GRB7: variants seen among roughly 807,000 people sequenced by gnomAD.
GRB7 encodes growth factor receptor-bound protein 7.
GRB7 carries 47 observed loss-of-function variants against 64.1 expected under a neutral mutation model. The observed-to-expected ratio is 0.73, with a 90% CI of 0.58 to 0.94. The LOEUF (loss-of-function observed/expected upper bound fraction) is 0.94, where lower values mean the gene tolerates loss of function less well. Among genes scored for constraint, GRB7 ranks in the 40% least tolerant of loss-of-function variants. The pLI, the probability that GRB7 is intolerant of heterozygous loss-of-function variation, is 0.00. For synonymous variants in GRB7, 277 were observed against 279.9 expected, an observed-to-expected ratio of 0.99 and a Z score of 0.10; for missense variants, 634 against 718.4, an observed-to-expected ratio of 0.88 and a Z score of 1.34.
At chr17:39,743,498 A>C in intron 6 of GRB7, 28 bp downstream of exon 6, 2 of 1,563,174 alleles carry the variant, frequency 1.3e-6, no homozygotes, top group Non-Finnish European at 1.8e-6. Context: ...TTCACTGCAG[A>C]TTCACGACTC....
At chr17:39,745,108 C>T (rs1182449068) in intron 9 of GRB7, 124 bp downstream of exon 9, 9 of 1,098,824 alleles carry the variant, frequency 8.2e-6, no homozygotes, top group Non-Finnish European at 9.4e-6. Context: ...CCAGTCCAAG[C>T]CTGAAGTTAT....
intron 1 of GRB7, chr17:39,739,879 C>T: frequency 6.6e-6 from 3 of 456,348 alleles, no homozygotes; most frequent in Non-Finnish European, 8.7e-6. Context: ...GCCAGGACCC[C>T]TTCCTCCTCC....
At chr17:39,738,850 G>A (rs1339914084) in intron 1 of GRB7, 2 of 1,516,966 alleles carry the variant, frequency 1.3e-6, no homozygotes, top group Non-Finnish European at 1.8e-6. Context: ...AAATTGTCGA[G>A]GCTTCATCTC....
In GRB7 at chr17:39,745,531, C is replaced by T. The variant is rs770436161; in HGVS notation, c.1202C>T (p.Ala401Val). ...AGTGTGGCCCTGGAGGAGGCCCAGG[C>T]CTGGAGGGTGAGGCCTGCTGTGTGT... The part of the protein sequence containing the change: ...ALSVALEEAQ[A>V]WRKKTNHRLS... Residue 401 changes from alanine (A) to valine (V), a missense_variant, in exon 11 of 15, where the codon GCC (alanine) becomes GTC (valine). Coordinates refer to ENST00000309156, the MANE Select transcript of GRB7 (RefSeq NM_005310.5). The T allele has an allele frequency of 1.9e-5, 30 of 1,612,840 alleles. No individual in the cohort carries two copies. Among genetic ancestry groups the T allele is most frequent in the Non-Finnish European group, 2.5e-5 (30 of 1,179,250 alleles).
chr17:39,744,836 A>T, intron 8 of GRB7, 50 bp from the exon 9 acceptor site: 1 of 1,481,236 alleles, frequency 6.8e-7, no homozygotes, highest in Non-Finnish European at 9.4e-7. Flanking sequence ...AGGGGCAGAC[A>T]TGTGGTCCTA....
intron 1 of GRB7, 117 bp from the exon 2 acceptor site, chr17:39,742,135 C>T (rs1312382592): frequency 1.8e-5 from 13 of 729,214 alleles, no homozygotes; most frequent in Non-Finnish European, 3.2e-5. Flanking sequence ...TCTGTCCTTC[C>T]CCAAGGGCTT....
intron 3 of GRB7, 35 bp from the exon 4 acceptor site, chr17:39,742,863 C>G: frequency 6.4e-7 from 1 of 1,551,736 alleles, no homozygotes; most frequent in Non-Finnish European, 8.7e-7. Flanking sequence ...CACCCTTTGC[C>G]TCCCCTCAAG....
chr17:39,745,820 G>A (rs1282093776), intron 12 of GRB7, 32 bp downstream of exon 12: 3 of 1,613,402 alleles, frequency 1.9e-6, no homozygotes, highest in Non-Finnish European at 1.7e-6. Context: ...TGGGGCGGGG[G>A]CTGCCTCAAC....
chr17:39,742,217 C>T lies in GRB7; in HGVS notation c.-50-35C>T, dbSNP rs1307513700. The T allele has an allele frequency of 7.4e-6, 11 of 1,485,276 alleles. No homozygotes were observed. The South Asian group carries it at 1.1e-4, about 15-fold the overall frequency. The allele number at this position is 1,485,276 out of a possible 1,614,324, so 92.0% of individuals were successfully genotyped here. A position where few individuals can be genotyped will look rare whatever the true frequency, so the allele number is the denominator to read the frequency against. ...GGGCACCCTAACCGCCGTGTGAGGT[C>T]AGGAGGTCTGAATTCTCTCATCCCC... is the stretch of plus-strand genomic sequence containing the variant. On this transcript the variant is annotated intron_variant, in intron 1 of 14. Transcript: ENST00000309156.
At chr17:39,746,646 G>T in intron 14 of GRB7, 105 bp from the exon 15 acceptor site, 2 of 441,588 alleles carry the variant, frequency 4.5e-6, no homozygotes, top group Non-Finnish European at 6.8e-6. Context: ...AAAAGAAAAA[G>T]AAAAAAGAAA....
At chr17:39,744,496 G>C (rs1464269800) in intron 7 of GRB7, 57 bp from the exon 8 acceptor site, 18 of 1,380,174 alleles carry the variant, frequency 1.3e-5, no homozygotes, top group Non-Finnish European at 1.5e-5. Flanking sequence ...CTTGTGGGGG[G>C]AGGTAATAGT....
chr17:39,746,907 G>A lies in GRB7; in HGVS notation c.*10G>A. On this transcript the variant is annotated 3_prime_UTR_variant, in exon 15 of 15. Transcript: ENST00000309156. ...GCGGGTGGCCCTCTGACCAGGCCGT[G>A]GACTGGCTCATGCCTCAGCCCGCCT... 1 of 1,601,006 alleles carries A rather than the reference G, an allele frequency of 6.2e-7. No individual in the cohort carries two copies.
rs775625329 is a variant in GRB7, at chr17:39,744,649, G to A, written c.898G>A (p.Gly300Ser). 33 of 1,605,032 alleles carry A rather than the reference G, an allele frequency of 2.1e-5. No homozygotes were observed. The highest frequency in any genetic ancestry group is 6.8e-5 in the Admixed American group (4 of 58,856). Residue 300 changes from glycine (G) to serine (S), a missense_variant, in exon 8 of 15, where the codon GGT becomes AGT. Transcript: ENST00000309156. ...GCTCTACGGGATGCCCACTGACTTC[G>A]GTTTCTGTGTCAAGGTGAAGACCTG... is the stretch of plus-strand genomic sequence containing the variant. ...RKLYGMPTDFGFCVKPNKLRN... is the reference protein window; with the variant it reads ...RKLYGMPTDFSFCVKPNKLRN...
chr17:39,739,913 G>A (rs1216598908), intron 1 of GRB7: 16 of 839,702 alleles, frequency 1.9e-5, no homozygotes, highest in East Asian at 1.2e-4. Flanking sequence ...TGGTCTTGAC[G>A]ATTCCACCCG....
Position 39,747,032 on chromosome 17 carries a change from C to G in GRB7, c.*135C>G. ...GAGGGTTCCGCCACTCCAGTTTTCT[C>G]CTCTGCTTCTTTGCCTCCCTCAGAT... On this transcript the variant is annotated 3_prime_UTR_variant, in exon 15 of 15. Coordinates refer to ENST00000309156, the MANE Select transcript of GRB7 (RefSeq NM_005310.5). 1.1e-6 allele frequency: 1 copy of G among 934,544 alleles called. No individual in the cohort carries two copies. The highest frequency in any genetic ancestry group is 1.7e-5 in the South Asian group (1 of 59,348). The allele number at this position is 934,544 out of a possible 1,614,324, so 57.9% of individuals were successfully genotyped here. A position where few individuals can be genotyped will look rare whatever the true frequency, so the allele number is the denominator to read the frequency against.
intron 1 of GRB7, chr17:39,738,719 C>T (rs899034325): frequency 1.9e-6 from 1 of 526,976 alleles, no homozygotes; most frequent in Non-Finnish European, 3.4e-6. Context: ...CTCTCTGGCT[C>T]GCCCAGTTTA....
rs142099930 is a variant in GRB7 at position 39,742,987 on chromosome 17, G to A, written c.396G>A (p.Val132=). The change falls in exon 4 of 15, where the codon GTG becomes GTA. Residue 132 remains valine, a synonymous_variant. Coordinates refer to ENST00000309156, the MANE Select transcript of GRB7 (RefSeq NM_005310.5). The stretch of plus-strand genomic sequence containing the variant: ...CTCGCCACGTGTGTGAAATGCTGGT[G>A]CAGCGAGCTCACGCCTTGAGCGACG... The part of the protein sequence containing the change: ...ATARHVCEML[V]QRAHALSDET... 1.2e-4 allele frequency: 188 copies of A among 1,613,420 alleles called. 1 individual carries two copies. The South Asian group carries it at 1.9e-3, about 16-fold the overall frequency.
In GRB7 at chr17:39,746,678, G is replaced by A. The variant is rs975961533; in HGVS notation, c.1453-73G>A. 8 of 1,512,674 alleles carry A rather than the reference G, an allele frequency of 5.3e-6. No homozygotes were observed. In the South Asian group the frequency reaches 5.9e-5, roughly 11 times the overall value. The allele number at this position is 1,512,674 out of a possible 1,614,324, so 93.7% of individuals were successfully genotyped here. A position where few individuals can be genotyped will look rare whatever the true frequency, so the allele number is the denominator to read the frequency against. On this transcript the variant is annotated intron_variant, in intron 14 of 14. Transcript: ENST00000309156. ...GAAAAGAATAAAAGGAAATGGTGGG[G>A]CCCTGGCCCAGGAGGGAGCTTCCCA...
intron 7 of GRB7, 122 bp downstream of exon 7, chr17:39,744,329 G>A (rs2060024515): frequency 8.5e-7 from 1 of 1,180,316 alleles, no homozygotes; most frequent in Non-Finnish European, 1.2e-6. Context: ...GCCACCTCCA[G>A]TTTACCATCT....
Sources: allele counts gnomAD v4.1 joint callset, GRCh38; gene constraint gnomAD v4.1.1; transcripts MANE v1.5; gene names NCBI Gene and HGNC (gene_info 2026-07-23, HGNC 2026-07-21).